Variants in CCDC102B observed in about 807,000 individuals in gnomAD.
The protein encoded by CCDC102B is coiled-coil domain containing 102B, also known as coiled-coil domain-containing protein 102B.
A neutral mutation model predicts 57.4 loss-of-function variants in CCDC102B; 75 were observed. The ratio of observed to expected loss-of-function variants is 1.31; its 90% CI spans 1.08 to 1.58. CCDC102B has a LOEUF of 1.58. CCDC102B is among the 40% of genes most tolerant of loss of function. The probability of loss-of-function intolerance (pLI) is 0.00; values close to 1 mark genes in which losing one functional copy is unlikely to be tolerated. For missense variants in CCDC102B, 636 were observed against 582.6 expected (o/e 1.09, Z -0.94); for synonymous variants, 206 against 201.9 (o/e 1.02, Z -0.17).
At chr18:68,756,363 A>G (rs1490464448) in intron 2 of CCDC102B, among the ~76,000 whole-genome samples, 1 of 152,188 alleles carries the variant, frequency 6.6e-6, no homozygotes, top group Non-Finnish European at 1.5e-5. Flanking sequence ...AAGAAAACAC[A>G]GCAAATTGAA....
chr18:69,037,377 A>G (rs1487930353), intron 7 of CCDC102B, among the ~76,000 whole-genome samples: 1 of 152,060 alleles, frequency 6.6e-6, no homozygotes, highest in Non-Finnish European at 1.5e-5. Flanking sequence ...AATGCTGATT[A>G]TAATTTAGCT....
chr18:68,856,872 T>C (rs1252841444), intron 4 of CCDC102B, among the ~76,000 whole-genome samples: 5 of 149,948 alleles, frequency 3.3e-5, no homozygotes, highest in Non-Finnish European at 7.4e-5. Flanking sequence ...GTGTTTTTTA[T>C]ATATACACAT....
chr18:68,832,314 G>A lies in CCDC102B; in HGVS notation c.-15-4435G>A, dbSNP rs1033949375. The stretch of plus-strand genomic sequence containing the variant: ...GGGAGAGACTTTCCTAAGTACAGAG[G>A]GATTTTTTGGATTGCAATACACTGT... On this transcript the variant is annotated intron_variant, in intron 1 of 7. Transcript: ENST00000360242. Among the ~76,000 whole-genome samples, 25 of 152,072 alleles carry A rather than the reference G, an allele frequency of 1.6e-4. 1 individual carries two copies. In the East Asian group the frequency reaches 1.7e-3, roughly 11 times the overall value.
chr18:68,905,693 A>G (rs1289469585), intron 6 of CCDC102B, among the ~76,000 whole-genome samples: 1 of 151,444 alleles, frequency 6.6e-6, no homozygotes, highest in Non-Finnish European at 1.5e-5. Flanking sequence ...CTAAGCTCCT[A>G]GCAACCGCAC....
At chr18:68,736,512 T>C (rs934917244) in intron 2 of CCDC102B, among the ~76,000 whole-genome samples, 1 of 152,230 alleles carries the variant, frequency 6.6e-6, no homozygotes, top group Admixed American at 6.5e-5. Flanking sequence ...CTTTATATCA[T>C]TGTGTTCTAA....
chr18:68,925,335 C>T (rs1055140765), intron 6 of CCDC102B, among the ~76,000 whole-genome samples: 2 of 151,964 alleles, frequency 1.3e-5, no homozygotes, highest in African/African-American at 2.4e-5. Context: ...GGTATCAGCA[C>T]CTTTTTTGGT....
At chr18:68,814,139 T>G (rs1211977960) in intron 1 of CCDC102B, among the ~76,000 whole-genome samples, 1 of 152,192 alleles carries the variant, frequency 6.6e-6, no homozygotes, top group Admixed American at 6.5e-5. Context: ...GCAGCAAAAT[T>G]TATGTTTTGC....
chr18:68,875,822 G>A (rs1166993799), intron 5 of CCDC102B, among the ~76,000 whole-genome samples: 1 of 152,116 alleles, frequency 6.6e-6, no homozygotes, highest in Non-Finnish European at 1.5e-5. Flanking sequence ...GAGTGCTCTA[G>A]TATTGGAACT....
At chr18:68,815,778 TA>T (rs2036452056) in intron 1 of CCDC102B, among the ~76,000 whole-genome samples, 1 of 152,134 alleles carries the variant, frequency 6.6e-6, no homozygotes, top group Non-Finnish European at 1.5e-5. Context: ...AAGATGTATG[TA>T]TTTTTTTAAA....
chr18:68,728,650 T>C lies in CCDC102B; in HGVS notation c.-67+12056T>C, dbSNP rs112096283. On this transcript the variant is annotated intron_variant, in intron 2 of 3. Coordinates refer to the CCDC102B transcript ENST00000578970. ...ATTTACATCAATGTGCCCTAAAAAA[T>C]TATAACTTTTTCTGGGTGTTATCCT... is the stretch of plus-strand genomic sequence containing the variant. 8.5e-3 allele frequency among the ~76,000 whole-genome samples: 1,294 copies of C among 152,250 alleles called. 12 individuals are homozygous for C. The highest frequency in any genetic ancestry group is 0.014 in the Non-Finnish European group (919 of 68,018).
chr18:68,915,607 G>A (rs1040104666), intron 6 of CCDC102B, among the ~76,000 whole-genome samples: 20 of 152,186 alleles, frequency 1.3e-4, no homozygotes, highest in Admixed American at 4.6e-4. Context: ...TAGTTGTAAT[G>A]TTTTCTACTC....
chr18:68,790,470 G>A (rs1265977020), intron 2 of CCDC102B, among the ~76,000 whole-genome samples: 14 of 152,136 alleles, frequency 9.2e-5, no homozygotes, highest in Admixed American at 4.6e-4. Flanking sequence ...TGCTGTGCTA[G>A]CAATCAGCGA....
intron 6 of CCDC102B, among the ~76,000 whole-genome samples, chr18:68,987,369 T>G (rs969822180): frequency 3.3e-5 from 5 of 152,140 alleles, no homozygotes; most frequent in Non-Finnish European, 7.4e-5. Context: ...GCTAGCCATA[T>G]GCAAAGAATG....
At chr18:68,722,848 C>T (rs2032411597) in intron 2 of CCDC102B, among the ~76,000 whole-genome samples, 3 of 151,406 alleles carry the variant, frequency 2.0e-5, no homozygotes, top group Admixed American at 1.3e-4. Context: ...GCCTCCAGCA[C>T]CAGCACTGAA....
At chr18:68,945,665 G>A (rs1476745617) in intron 6 of CCDC102B, among the ~76,000 whole-genome samples, 1 of 152,072 alleles carries the variant, frequency 6.6e-6, no homozygotes, top group Non-Finnish European at 1.5e-5. Context: ...CCACATAAAT[G>A]TTGTGGAAGA....
At chr18:69,017,663 A>G (rs1262505100) in intron 7 of CCDC102B, among the ~76,000 whole-genome samples, 2 of 152,134 alleles carry the variant, frequency 1.3e-5, no homozygotes, top group African/African-American at 4.8e-5. Context: ...TAATGAGAAC[A>G]CCTAAGATCT....
chr18:68,999,213 G>C (rs1038968982), intron 6 of CCDC102B, among the ~76,000 whole-genome samples: 2 of 151,916 alleles, frequency 1.3e-5, no homozygotes, highest in African/African-American at 4.8e-5. Flanking sequence ...ACTGCAGAAA[G>C]CTATTGTAGA....
chr18:68,900,377 A>T (rs572471446), intron 6 of CCDC102B: 2 of 152,290 alleles, frequency 1.3e-5, no homozygotes, highest in South Asian at 2.1e-4. Context: ...TATGTTAGTG[A>T]TGCTTGATCA....
chr18:68,944,022 G>A (rs775550107), intron 6 of CCDC102B, among the ~76,000 whole-genome samples: 1 of 152,142 alleles, frequency 6.6e-6, no homozygotes, highest in Non-Finnish European at 1.5e-5. Flanking sequence ...AAGGCTTTAT[G>A]TTGTTATCTC....
Sources: allele counts gnomAD v4.1 joint callset (sites outside exome capture counted in the v4.1 genomes callset), GRCh38; gene constraint gnomAD v4.1.1; transcripts MANE v1.5; gene names NCBI Gene and HGNC (gene_info 2026-07-23, HGNC 2026-07-21).